The following ACYP2 variants were observed in gnomAD, a reference collection of about 807,000 sequenced individuals.
The protein encoded by ACYP2 is acylphosphatase-2.
A neutral mutation model predicts 11.2 loss-of-function variants in ACYP2; 12 were observed. That is an observed-to-expected ratio of 1.08 (90% confidence interval 0.69 to 1.74). The LOEUF (loss-of-function observed/expected upper bound fraction) is 1.74, where lower values mean the gene tolerates loss of function less well. Among genes scored for constraint, ACYP2 ranks in the 40% most tolerant of loss-of-function variants. The pLI, the probability that ACYP2 is intolerant of heterozygous loss-of-function variation, is 0.00. For missense variants in ACYP2, 134 were observed against 101.9 expected, an observed-to-expected ratio of 1.31 and a Z score of -1.35; for synonymous variants, 43 against 32.2, an observed-to-expected ratio of 1.33 and a Z score of -1.13.
chr2:54,291,246 T>A (rs886611608), intron 6 of ACYP2, among the ~76,000 whole-genome samples: 3 of 152,214 alleles, frequency 2.0e-5, no homozygotes, highest in Admixed American at 6.5e-5. Context: ...CTCCCTCTTC[T>A]CTGGTCATGC....
intron 6 of ACYP2, among the ~76,000 whole-genome samples, chr2:54,229,856 A>T (rs1414306136): frequency 1.3e-5 from 2 of 152,190 alleles, no homozygotes; most frequent in Non-Finnish European, 2.9e-5. Flanking sequence ...TGTTGTTTCC[A>T]TCAAAAATAT....
At chr2:53,975,878 G>C (rs1371477769) in intron 2 of ACYP2, among the ~76,000 whole-genome samples, 1 of 152,094 alleles carries the variant, frequency 6.6e-6, no homozygotes, top group Admixed American at 6.6e-5. Context: ...CAGACCTGGA[G>C]GGAGACACTG....
intron 2 of ACYP2, among the ~76,000 whole-genome samples, chr2:54,024,884 TA>T (rs1345866105): frequency 6.6e-6 from 1 of 152,190 alleles, no homozygotes; most frequent in Non-Finnish European, 1.5e-5. Context: ...GTGAATTCAG[TA>T]AAGCTTCAGA....
rs80046400 is a variant in ACYP2, at chr2:54,107,787, T to A, written c.278-27666T>A. On this transcript the variant is annotated intron_variant, in intron 4 of 6. Coordinates refer to ENST00000607452, the MANE Select transcript of ACYP2 (RefSeq NM_001320586.2). Reference sequence around the variant, plus strand: ...GCATAAACTCCCCTGGAAATTCAAATGTTGAGATCAGATAGAGATCCACTT... The same window carrying A: ...GCATAAACTCCCCTGGAAATTCAAAAGTTGAGATCAGATAGAGATCCACTT... Among the ~76,000 whole-genome samples, 49 of 152,308 alleles carry A rather than the reference T, an allele frequency of 3.2e-4. No homozygotes were observed. The East Asian group carries it at 8.1e-3, about 25-fold the overall frequency.
chr2:53,974,503 TGAA>T (rs1436372892), intron 2 of ACYP2, among the ~76,000 whole-genome samples: 1 of 152,182 alleles, frequency 6.6e-6, no homozygotes, highest in Admixed American at 6.5e-5. Flanking sequence ...TTGAGGAAAT[TGAA>T]GAAGCCTTAG....
At chr2:54,043,595 A>T (rs915173709) in intron 2 of ACYP2, among the ~76,000 whole-genome samples, 1 of 152,212 alleles carries the variant, frequency 6.6e-6, no homozygotes, top group African/African-American at 2.4e-5. Context: ...TGTGCTAATT[A>T]AAAAATTTTT....
At chr2:54,008,617 C>A (rs983466752) in intron 2 of ACYP2, among the ~76,000 whole-genome samples, 2 of 152,162 alleles carry the variant, frequency 1.3e-5, no homozygotes, top group Admixed American at 6.6e-5. Flanking sequence ...ACCTCAGACT[C>A]CCAAGTAGCT....
chr2:54,175,494 T>C (rs141749767), intron 6 of ACYP2, among the ~76,000 whole-genome samples: 59 of 151,540 alleles, frequency 3.9e-4, no homozygotes, highest in Middle Eastern at 3.4e-3. Flanking sequence ...CCTGGATTCA[T>C]TGATTTTTTT....
At chr2:54,114,961 A>T (rs1341456983) in intron 4 of ACYP2, among the ~76,000 whole-genome samples, 1 of 151,682 alleles carries the variant, frequency 6.6e-6, no homozygotes, top group Non-Finnish European at 1.5e-5. Flanking sequence ...CTCTCAAAAC[A>T]CTAAACACGC....
Position 54,090,988 on chromosome 2 carries a change from C to T in ACYP2, c.277+33628C>T, listed in dbSNP as rs1411278274. ...TGTTTCCATGATGTTGCCTTGGACA[C>T]AATGAACGCTGACATAATTGTTGAT... On this transcript the variant is annotated intron_variant, in intron 4 of 6. Transcript: ENST00000607452. Among the ~76,000 whole-genome samples the T allele has an allele frequency of 2.6e-5, 4 of 152,136 alleles. No homozygotes were observed. In the East Asian group the frequency reaches 7.7e-4, roughly 29 times the overall value.
At chr2:54,091,803 A>G (rs1421317149) in intron 4 of ACYP2, among the ~76,000 whole-genome samples, 1 of 151,742 alleles carries the variant, frequency 6.6e-6, no homozygotes, top group African/African-American at 2.4e-5. Flanking sequence ...TCAGCCACTA[A>G]CCCCAGCCAA....
chr2:54,097,373 C>T (rs1678647978), intron 4 of ACYP2, among the ~76,000 whole-genome samples: 1 of 152,214 alleles, frequency 6.6e-6, no homozygotes, highest in Admixed American at 6.5e-5. Flanking sequence ...CACAGTGTCT[C>T]ATGCATTGCA....
At chr2:54,130,988 A>C (rs1184000135) in intron 4 of ACYP2, among the ~76,000 whole-genome samples, 2 of 152,184 alleles carry the variant, frequency 1.3e-5, no homozygotes, top group African/African-American at 4.8e-5. Flanking sequence ...TGGATTTTAC[A>C]GCTCCAAATT....
intron 2 of ACYP2, among the ~76,000 whole-genome samples, chr2:53,980,489 A>T (rs1348710848): frequency 6.6e-6 from 1 of 152,148 alleles, no homozygotes; most frequent in Non-Finnish European, 1.5e-5. Flanking sequence ...AGGCCAAGGC[A>T]AGAGGATTGC....
rs371682683 is a variant in ACYP2, at chr2:54,068,084, A to C, written c.277+10724A>C. Among the ~76,000 whole-genome samples the C allele has an allele frequency of 1.8e-4, 28 of 152,288 alleles. No homozygotes were observed. The South Asian group carries it at 4.4e-3, about 24-fold the overall frequency. On this transcript the variant is annotated intron_variant, in intron 4 of 6. Transcript: ENST00000607452. ...GGTCACTGATAAGCCAGCTTAGCTTATTCTTACACTAGATCTGATATTTCT... is the reference window on the plus strand; with the variant it reads ...GGTCACTGATAAGCCAGCTTAGCTTCTTCTTACACTAGATCTGATATTTCT...
intron 2 of ACYP2, among the ~76,000 whole-genome samples, chr2:54,006,739 C>A (rs1673084706): frequency 1.3e-5 from 2 of 152,078 alleles, no homozygotes; most frequent in African/African-American, 4.8e-5. Flanking sequence ...CTCAAACTAT[C>A]TATAGGAGAT....
At chr2:54,033,649 G>T in intron 2 of ACYP2, among the ~76,000 whole-genome samples, 1 of 152,218 alleles carries the variant, frequency 6.6e-6, no homozygotes, top group East Asian at 1.9e-4. Flanking sequence ...GCCCCTGAAA[G>T]CTTTCAGGCA....
At chr2:54,252,758 G>C (rs1174216942) in intron 6 of ACYP2, among the ~76,000 whole-genome samples, 1 of 152,044 alleles carries the variant, frequency 6.6e-6, no homozygotes, top group Non-Finnish European at 1.5e-5. Context: ...CAAAAAATTA[G>C]CCGGGCGTGG....
At chr2:54,028,603 AAC>A (rs1674419972) in intron 2 of ACYP2, among the ~76,000 whole-genome samples, 1 of 152,208 alleles carries the variant, frequency 6.6e-6, no homozygotes, top group Admixed American at 6.5e-5. Flanking sequence ...GAAGTCTGTC[AAC>A]ACACCTGGAT....
Sources: gnomAD v4.1 joint callset for allele counts (sites outside exome capture counted in the v4.1 genomes callset) on GRCh38, gnomAD v4.1.1 for gene constraint, MANE v1.5 for transcripts, NCBI Gene and HGNC (gene_info 2026-07-23, HGNC 2026-07-21) for gene names.